UHRF1: variants seen among roughly 807,000 people sequenced by gnomAD.
The protein encoded by UHRF1 is E3 ubiquitin-protein ligase UHRF1.
In UHRF1, 9 loss-of-function variants were observed where a neutral mutation model predicts 96.5. That is an observed-to-expected ratio of 0.09 (90% CI 0.06 to 0.16). UHRF1 has a LOEUF of 0.16. Among genes scored for constraint, UHRF1 ranks in the 10% least tolerant of loss-of-function variants. The probability of loss-of-function intolerance (pLI) is 1.00; values close to 1 mark genes in which losing one functional copy is unlikely to be tolerated. For missense variants in UHRF1, 626 were observed against 1,131.1 expected (o/e 0.55, Z 6.40); for synonymous variants, 455 against 469.9 (o/e 0.97, Z 0.41).
rs1040206840 is a variant in UHRF1 at position 4,954,111 on chromosome 19, G to A, written c.1819-239G>A. 3.3e-5 allele frequency among the ~76,000 whole-genome samples: 5 copies of A among 152,188 alleles called. No individual in the cohort carries two copies. The highest frequency in any genetic ancestry group is 6.5e-5 in the Admixed American group (1 of 15,268). The stretch of plus-strand genomic sequence containing the variant: ...CTCTAGACGTTGGACACTTAGAACA[G>A]TGTGCAGTTTACAACTTAGGAATTG... On this transcript the variant is annotated intron_variant, in intron 13 of 16. Coordinates refer to ENST00000650932, the MANE Select transcript of UHRF1 (RefSeq NM_001048201.3). The surrounding 1 kb of genome is among the most constrained non-coding windows in gnomAD (Gnocchi z 5.9).
At chr19:4,953,019 C>G (rs890629488) in intron 13 of UHRF1, among the ~76,000 whole-genome samples, 5 of 152,134 alleles carry the variant, frequency 3.3e-5, no homozygotes, top group Admixed American at 2.0e-4. Flanking sequence ...TTTGCCTGCC[C>G]TCATGGAAAT....
chr19:4,906,095 G>T (rs2032059227), upstream of UHRF1, among the ~76,000 whole-genome samples: 1 of 152,188 alleles, frequency 6.6e-6, no homozygotes, highest in South Asian at 2.1e-4. Context: ...TCCTGCATCA[G>T]TGTCCTGAGT....
chr19:4,918,371 C>G (rs2032593054), intron 2 of UHRF1, among the ~76,000 whole-genome samples: 1 of 151,814 alleles, frequency 6.6e-6, no homozygotes, highest in Admixed American at 6.6e-5. Flanking sequence ...ATCCACCCAC[C>G]TTGGCCTCCC....
In UHRF1 at chr19:4,940,492, G is replaced by A. The variant is rs544647980; in HGVS notation, c.786-1036G>A. Among the ~76,000 whole-genome samples the A allele has an allele frequency of 5.4e-5, 8 of 147,032 alleles. No individual in the cohort carries two copies. In the East Asian group the frequency reaches 1.7e-3, roughly 31 times the overall value. Reference sequence around the variant, plus strand: ...AGCGATTCTCCTGCCTCAGCCTCCCGAGTAGCTGGGATTACAGGCACGGGC... The same window carrying A: ...AGCGATTCTCCTGCCTCAGCCTCCCAAGTAGCTGGGATTACAGGCACGGGC... On this transcript the variant is annotated intron_variant, in intron 5 of 16. Coordinates refer to ENST00000650932, the MANE Select transcript of UHRF1 (RefSeq NM_001048201.3).
rs1429516487 is a variant in UHRF1, at chr19:4,929,418, C to A, written c.350C>A (p.Thr117Asn). The change falls in exon 3 of 17, where the codon ACT becomes AAT. Residue 117 changes from threonine to asparagine, a missense_variant. Physicochemically the swap from Thr to Asn is moderately conservative, Grantham distance 65. Around this residue, in one of 11 missense-constraint regions of UHRF1, gnomAD observed 53 missense variants for 95.9 expected, o/e 0.55. Transcript: ENST00000650932. ...ACCCACGGTGAGGCGGCCGCCGAGA[C>A]TGACAGCAGGCCAGCCGATGAGGAC... Reference protein sequence around the residue: ...SSTHGEAAAETDSRPADEDMW... With the variant: ...SSTHGEAAAENDSRPADEDMW... 1 of 1,613,796 alleles carries A rather than the reference C, an allele frequency of 6.2e-7. No homozygotes were observed. The highest frequency in any genetic ancestry group is 8.5e-7 in the Non-Finnish European group (1 of 1,179,872).
intron 2 of UHRF1, among the ~76,000 whole-genome samples, chr19:4,913,048 C>T (rs572510558): frequency 1.3e-5 from 2 of 152,102 alleles, no homozygotes; most frequent in East Asian, 1.9e-4. Context: ...GCTACAGTGC[C>T]GGACCTAAAA....
rs200969637 is a variant in UHRF1, at chr19:4,930,738, G to A, written c.431G>A (p.Arg144Gln). The change falls in exon 4 of 17, where the codon CGG becomes CAG. Residue 144 changes from arginine (R) to glutamine (Q), a missense_variant. By Grantham distance (43) the Arg-to-Gln change is conservative (BLOSUM62 1). Transcript: ENST00000650932. The surrounding 1 kb of genome is among the most constrained non-coding windows in gnomAD (Gnocchi z 4.4). ...CAGGTCAATGAGTACGTCGATGCTC[G>A]GGACACGAACATGGGGGCGTGGTTT... ...LYKVNEYVDA[R>Q]DTNMGAWFEA... is the part of the protein sequence containing the mutation. 4.3e-6 allele frequency: 7 copies of A among 1,613,862 alleles called. No homozygotes were observed. The highest frequency in any genetic ancestry group is 2.7e-5 in the African/African-American group (2 of 75,042).
chr19:4,932,645 A>C lies in UHRF1; in HGVS notation c.570-96A>C, dbSNP rs541115976. 12 of 1,357,776 alleles carry C rather than the reference A, an allele frequency of 8.8e-6. 1 individual carries two copies. In the South Asian group the frequency reaches 1.6e-4, roughly 18 times the overall value. 84.1% of individuals were successfully genotyped at this position (1,357,776 alleles called of 1,614,324 possible). A position where few individuals can be genotyped will look rare whatever the true frequency, so the allele number is the denominator to read the frequency against. On this transcript the variant is annotated intron_variant, in intron 4 of 16. Transcript: ENST00000650932. Reference sequence around the variant, plus strand: ...AGCCTGTTGGGAGGGGCCTCTGCACACTGTCGGGAGGGGCCGTCCCACCTC... The same window carrying C: ...AGCCTGTTGGGAGGGGCCTCTGCACCCTGTCGGGAGGGGCCGTCCCACCTC...
At chr19:4,950,392 C>T (rs1048764408) in intron 11 of UHRF1, among the ~76,000 whole-genome samples, 9 of 151,684 alleles carry the variant, frequency 5.9e-5, no homozygotes, top group African/African-American at 1.2e-4. Context: ...TACAGGCACG[C>T]GCCACCACGC....
chr19:4,920,222 G>A (rs1397890528), intron 2 of UHRF1, among the ~76,000 whole-genome samples: 2 of 152,090 alleles, frequency 1.3e-5, no homozygotes, highest in Admixed American at 6.5e-5. Flanking sequence ...ACCTGAGGTC[G>A]GGAGTTAGAG....
At chr19:4,947,049 T>C in intron 10 of UHRF1, 56 bp from the exon 11 acceptor site, 1 of 1,358,804 alleles carries the variant, frequency 7.4e-7, no homozygotes, top group Non-Finnish European at 1.0e-6. Flanking sequence ...CAATGCAGTC[T>C]CTTTTTTTTT....
At chr19:4,956,401 A>G (rs1485270073) in intron 15 of UHRF1, among the ~76,000 whole-genome samples, 1 of 152,188 alleles carries the variant, frequency 6.6e-6, no homozygotes, top group Non-Finnish European at 1.5e-5. Flanking sequence ...GACTCAGTGC[A>G]GGGTGTGCTT....
intron 7 of UHRF1, among the ~76,000 whole-genome samples, 190 bp downstream of exon 7, chr19:4,942,121 G>T (rs969077719): frequency 1.3e-5 from 2 of 152,220 alleles, no homozygotes; most frequent in Non-Finnish European, 2.9e-5. Flanking sequence ...CACAAGACCA[G>T]CCTGGGGGAC....
chr19:4,949,310 C>G (rs1176028783), intron 11 of UHRF1, among the ~76,000 whole-genome samples: 1 of 152,132 alleles, frequency 6.6e-6, no homozygotes, highest in Non-Finnish European at 1.5e-5. Flanking sequence ...TTGGAACCAT[C>G]TTTCTGGAAA....
At chr19:4,945,038 G>C (rs1324156990) in intron 9 of UHRF1, among the ~76,000 whole-genome samples, 2 of 152,170 alleles carry the variant, frequency 1.3e-5, no homozygotes, top group Admixed American at 1.3e-4. Context: ...ACTGAGCTGG[G>C]TGGACAAGCT....
chr19:4,929,308 C>T lies in UHRF1; in HGVS notation c.240C>T (p.Pro80=), dbSNP rs1262507497. ...TGGTCCGCCAGAGCCTCGTGCTCCC[C>T]CACAGCACCAAGGAGCGGGACTCCG... ...QLLVRQSLVL[P]HSTKERDSEL... Residue 80 remains proline (P), a synonymous_variant, in exon 3 of 17, where the codon CCC becomes CCT. Coordinates refer to ENST00000650932, the MANE Select transcript of UHRF1 (RefSeq NM_001048201.3). The T allele has an allele frequency of 6.2e-7, 1 of 1,613,744 alleles. No homozygotes were observed. Among genetic ancestry groups the T allele is most frequent in the African/African-American group, 1.3e-5 (1 of 74,938 alleles).
At chr19:4,936,702 G>A (rs1407086092) in intron 5 of UHRF1, among the ~76,000 whole-genome samples, 1 of 151,896 alleles carries the variant, frequency 6.6e-6, no homozygotes, top group East Asian at 1.9e-4. Flanking sequence ...AGCACTTTGG[G>A]AGGCTGAGGT....
chr19:4,907,064 C>T (rs2032079133), upstream of UHRF1, among the ~76,000 whole-genome samples: 1 of 152,190 alleles, frequency 6.6e-6, no homozygotes, highest in African/African-American at 2.4e-5. Context: ...GCAGGAGCTT[C>T]CCAAGGCTGC....
intron 2 of UHRF1, among the ~76,000 whole-genome samples, chr19:4,919,140 A>G (rs1037961403): frequency 1.4e-5 from 2 of 147,468 alleles, no homozygotes; most frequent in African/African-American, 5.0e-5. Flanking sequence ...TCCTCCCACC[A>G]CAGCCTTCCA....
Sources: allele counts gnomAD v4.1 joint callset (sites outside exome capture counted in the v4.1 genomes callset), GRCh38; gene constraint gnomAD v4.1.1; regional missense constraint gnomAD v4.1.1; non-coding constraint Gnocchi (gnomAD v3.1); transcripts MANE v1.5; gene names NCBI Gene and HGNC (gene_info 2026-07-23, HGNC 2026-07-21).